The following SPINK7 variants were observed in gnomAD, a reference collection of about 807,000 sequenced individuals.
SPINK7 encodes serine peptidase inhibitor Kazal type 7, also known as serine protease inhibitor Kazal-type 7.
A neutral mutation model predicts 11.6 loss-of-function variants in SPINK7; 8 were observed. The observed-to-expected ratio is 0.69, with a 90% confidence interval of 0.41 to 1.25. SPINK7 has a LOEUF of 1.25. Among genes scored for constraint, SPINK7 ranks in the 50% most tolerant of loss-of-function variants. The pLI is 0.01. For synonymous variants in SPINK7, 38 were observed against 35.3 expected (o/e 1.08, Z -0.27); for missense variants, 113 against 99.3 (o/e 1.14, Z -0.58).
At position 148,315,646 on chromosome 5, in the gene SPINK7, A is replaced by G. The variant is rs1390533025; in HGVS notation, c.220A>G (p.Asn74Asp). The G allele has an allele frequency of 8.1e-6, 13 of 1,600,930 alleles. No individual in the cohort carries two copies. Among genetic ancestry groups the G allele is most frequent in the Non-Finnish European group, 1.1e-5 (13 of 1,168,478 alleles). ...AACTGTGTCTTCCCTTAGGAAAAGTAATGGAAGAGTTCAGTTTCTTCACGA... is the reference window on the plus strand; with the variant it reads ...AACTGTGTCTTCCCTTAGGAAAAGTGATGGAAGAGTTCAGTTTCTTCACGA... ...CHLCTESLKS[N>D]GRVQFLHDGS... is the part of the protein sequence containing the mutation. The change falls in exon 4 of 4, where the codon AAT becomes GAT. Residue 74 changes from asparagine to aspartate, a missense_variant. Asn to Asp is a conservative substitution (Grantham distance 23). Coordinates refer to ENST00000274565, the MANE Select transcript of SPINK7 (RefSeq NM_032566.3).
intron 3 of SPINK7, chr5:148,314,437 C>G: frequency 1.7e-6 from 1 of 576,746 alleles, no homozygotes; most frequent in Non-Finnish European, 3.1e-6. Flanking sequence ...CATCCCATCA[C>G]AGAACCTCCA....
In SPINK7 at chr5:148,314,037, T is replaced by C. The variant is rs79608039; in HGVS notation, c.88-63T>C. The C allele has an allele frequency of 1.5e-3, 2,417 of 1,606,580 alleles. 35 individuals carry two copies. In the African/African-American group the frequency reaches 0.029, roughly 19 times the overall value. ...TGGGACTTCCAGCCCTTGTAGTATATCTAATAGTGGCCTAGCTTGGGGTCT... is the reference window on the plus strand; with the variant it reads ...TGGGACTTCCAGCCCTTGTAGTATACCTAATAGTGGCCTAGCTTGGGGTCT... On this transcript the variant is annotated intron_variant, in intron 2 of 3. Transcript: ENST00000274565.
At chr5:148,315,449 T>C (rs1756917338) in intron 3 of SPINK7, among the ~76,000 whole-genome samples, 190 bp from the exon 4 acceptor site, 1 of 152,136 alleles carries the variant, frequency 6.6e-6, no homozygotes, top group Non-Finnish European at 1.5e-5. Flanking sequence ...GAATTATCAC[T>C]GGACTAGGGA....
At chr5:148,314,544 A>C (rs1756905300) in intron 3 of SPINK7, 2 of 360,164 alleles carry the variant, frequency 5.6e-6, no homozygotes, top group Admixed American at 8.4e-5. Context: ...GTCAGGAGTC[A>C]CCATTAGGGT....
rs1230484177 is a variant in SPINK7 at position 148,314,211 on chromosome 5, T to G, written c.199T>G (p.Cys67Gly). 6 of 1,613,762 alleles carry G rather than the reference T, an allele frequency of 3.7e-6. No homozygotes were observed. Among genetic ancestry groups the G allele is most frequent in the Non-Finnish European group, 5.1e-6 (6 of 1,179,726 alleles). ...YITYGNECHL[C>G]TESLKSNGRV... The stretch of plus-strand genomic sequence containing the variant: ...CACCTATGGGAATGAATGTCACTTG[T>G]GTACCGAGAGCTTGTGAGTACCTCA... The change falls in exon 3 of 4, where the codon TGT becomes GGT. Residue 67 changes from cysteine (C) to glycine (G), a missense_variant. By Grantham distance (159) the Cys-to-Gly change is radical. Transcript: ENST00000274565.
rs778680007 is a variant in SPINK7, at chr5:148,313,361, ATC to A, written c.62-9_62-8del. 3.3e-5 allele frequency: 52 copies of A among 1,598,126 alleles called. No homozygotes were observed. The African/African-American group carries it at 6.6e-4, about 20-fold the overall frequency. Reference sequence around the variant, plus strand: ...CTTTACTTTTAACATCTTCATCTGTATCTCTTTTTCAGAAGCTGCTAGTCTGT... The same window carrying A: ...CTTTACTTTTAACATCTTCATCTGTATCTTTTTCAGAAGCTGCTAGTCTGT... On this transcript the variant is annotated splice_polypyrimidine_tract_variant and intron_variant, in intron 1 of 3. Coordinates refer to ENST00000274565, the MANE Select transcript of SPINK7 (RefSeq NM_032566.3).
rs1721401041 is a variant in SPINK7 at position 148,314,172 on chromosome 5, G to C, written c.160G>C (p.Gly54Arg). ...CCCCATCACATACCTACCAGTTTGT[G>C]GTTCTGACTACATCACCTATGGGAA... ...PCPITYLPVC[G>R]SDYITYGNEC... Residue 54 changes from glycine (G) to arginine (R), a missense_variant, in exon 3 of 4, where the codon GGT (glycine) becomes CGT (arginine). Physicochemically the swap from Gly to Arg is moderately radical, Grantham distance 125. Coordinates refer to ENST00000274565, the MANE Select transcript of SPINK7 (RefSeq NM_032566.3). The C allele has an allele frequency of 6.2e-7, 1 of 1,613,770 alleles. No individual in the cohort carries two copies. Among genetic ancestry groups the C allele is most frequent in the Non-Finnish European group, 8.5e-7 (1 of 1,179,784 alleles).
intron 2 of SPINK7, chr5:148,313,847 A>G: frequency 1.9e-6 from 1 of 521,088 alleles, no homozygotes; most frequent in East Asian, 2.9e-5. Context: ...AAGATTAAAC[A>G]AGAAAATTCA....
intron 2 of SPINK7, 186 bp from the exon 3 acceptor site, chr5:148,313,908 CTGAGTG>C: frequency 1.5e-6 from 1 of 645,596 alleles, no homozygotes; most frequent in Non-Finnish European, 2.6e-6. Context: ...CAATTGTTAA[CTGAGTG>C]TAGCAGAAAA....
Position 148,314,215 on chromosome 5 carries a change from C to T in SPINK7, c.203C>T (p.Thr68Ile), listed in dbSNP as rs773811544. ...TATGGGAATGAATGTCACTTGTGTA[C>T]CGAGAGCTTGTGAGTACCTCATAAG... is the stretch of plus-strand genomic sequence containing the variant. ...ITYGNECHLC[T>I]ESLKSNGRVQ... The change falls in exon 3 of 4, where the codon ACC becomes ATC. Residue 68 changes from threonine to isoleucine, a missense_variant. Thr to Ile is a moderately conservative substitution (Grantham distance 89). Coordinates refer to ENST00000274565, the MANE Select transcript of SPINK7 (RefSeq NM_032566.3). 1.2e-6 allele frequency: 2 copies of T among 1,613,686 alleles called. No individual in the cohort carries two copies. The highest frequency in any genetic ancestry group is 1.1e-5 in the South Asian group (1 of 91,064).
chr5:148,313,292 T>G, intron 1 of SPINK7, 82 bp from the exon 2 acceptor site: 1 of 1,057,090 alleles, frequency 9.5e-7, no homozygotes, highest in Non-Finnish European at 1.4e-6. Flanking sequence ...GTAGAGTAAT[T>G]ATATAGGATG....
chr5:148,312,940 C>T (rs1756879906), intron 1 of SPINK7, among the ~76,000 whole-genome samples: 1 of 152,014 alleles, frequency 6.6e-6, no homozygotes, highest in Non-Finnish European at 1.5e-5. Flanking sequence ...AACAATTAGA[C>T]TTTTATACTG....
chr5:148,312,754 A>C (rs1414954846), intron 1 of SPINK7, among the ~76,000 whole-genome samples: 1 of 152,096 alleles, frequency 6.6e-6, no homozygotes, highest in Non-Finnish European at 1.5e-5. Context: ...CATAGAACAA[A>C]AAATGATCTA....
intron 3 of SPINK7, among the ~76,000 whole-genome samples, chr5:148,314,850 A>T (rs1204312160): frequency 6.6e-6 from 1 of 152,132 alleles, no homozygotes; most frequent in African/African-American, 2.4e-5. Flanking sequence ...CTTTTCCTTT[A>T]TCTAAAATAA....
Position 148,312,546 on chromosome 5 carries a change from T to C in SPINK7, c.61+2T>C. 6.3e-7 allele frequency: 1 copy of C among 1,593,198 alleles called. No individual in the cohort carries two copies. The highest frequency in any genetic ancestry group is 1.7e-4 in the Middle Eastern group (1 of 5,996). On this transcript the variant is annotated splice_donor_variant, in intron 1 of 3. Transcript: ENST00000274565. LOFTEE classifies it high-confidence loss of function. ...TGGTCTATTTCTGTAGCAGCTCAGG[T>C]AAGTTAAGGTCAGACAGTGCCCTAT...
intron 2 of SPINK7, 55 bp from the exon 3 acceptor site, chr5:148,314,045 T>G (rs772826852): frequency 6.8e-6 from 11 of 1,609,606 alleles, no homozygotes; most frequent in Non-Finnish European, 9.3e-6. Context: ...TATCTAATAG[T>G]GGCCTAGCTT....
intron 1 of SPINK7, among the ~76,000 whole-genome samples, chr5:148,312,941 T>A (rs992211861): frequency 3.9e-5 from 6 of 152,060 alleles, no homozygotes; most frequent in Non-Finnish European, 2.9e-5. Context: ...ACAATTAGAC[T>A]TTTATACTGT....
chr5:148,313,715 A>G (rs1464098050), intron 2 of SPINK7: 4 of 403,240 alleles, frequency 9.9e-6, no homozygotes, highest in African/African-American at 8.2e-5. Flanking sequence ...CACAGGCTCT[A>G]GATTCAAATC....
chr5:148,315,554 T>C (rs1756920468), intron 3 of SPINK7, 85 bp from the exon 4 acceptor site: 4 of 769,798 alleles, frequency 5.2e-6, no homozygotes, highest in Non-Finnish European at 9.0e-6. Context: ...TGCTGCCTCA[T>C]AATCTCTATA....
Sources: gnomAD v4.1 joint callset for allele counts (sites outside exome capture counted in the v4.1 genomes callset) on GRCh38, gnomAD v4.1.1 for gene constraint, MANE v1.5 for transcripts, NCBI Gene and HGNC (gene_info 2026-07-23, HGNC 2026-07-21) for gene names.